PFN2: variants seen among roughly 807,000 people sequenced by gnomAD.
PFN2 encodes the protein profilin 2.
PFN2 carries 8 observed loss-of-function variants against 15.3 expected under a neutral mutation model. The observed-to-expected ratio is 0.52, with a 90% CI of 0.31 to 0.95. The LOEUF (loss-of-function observed/expected upper bound fraction) is 0.95, where lower values mean the gene tolerates loss of function less well. PFN2 is among the 40% of genes least tolerant of loss of function. PFN2 has a pLI of 0.05. For missense variants in PFN2, 111 were observed against 182.3 expected, an observed-to-expected ratio of 0.61 and a Z score of 2.25; for synonymous variants, 79 against 67.9, an observed-to-expected ratio of 1.16 and a Z score of -0.81.
intron 1 of PFN2, among the ~76,000 whole-genome samples, chr3:149,969,610 T>A (rs1347761315): frequency 1.3e-5 from 2 of 152,222 alleles, no homozygotes; most frequent in African/African-American, 2.4e-5. Flanking sequence ...GGTAAAAGAA[T>A]AATTAGCACC....
chr3:149,965,104 A>G lies in PFN2; in HGVS notation c.*1385T>C, dbSNP rs2108628623. On this transcript the variant is annotated 3_prime_UTR_variant, in exon 3 of 3. Transcript: ENST00000239940. ...CACAAGGCCCAAACAATAGAAGCAAATACTAGAATGTCCCTAAAGTAGTGC... is the reference window on the plus strand; with the variant it reads ...CACAAGGCCCAAACAATAGAAGCAAGTACTAGAATGTCCCTAAAGTAGTGC... The G allele has an allele frequency of 1.4e-6, 1 of 737,428 alleles. No individual in the cohort carries two copies. The highest frequency in any genetic ancestry group is 2.8e-5 in the East Asian group (1 of 35,690). 45.7% of individuals were successfully genotyped at this position (737,428 alleles called of 1,614,324 possible). A position where few individuals can be genotyped will look rare whatever the true frequency, so the allele number is the denominator to read the frequency against.
At chr3:149,969,901 G>A (rs778151466) in intron 1 of PFN2, among the ~76,000 whole-genome samples, 2 of 152,178 alleles carry the variant, frequency 1.3e-5, no homozygotes, top group African/African-American at 4.8e-5. Context: ...TTAGAGAAGT[G>A]AAGTGTGCTC....
In PFN2 at chr3:149,965,530, A is replaced by G. The variant is rs755535668; in HGVS notation, c.*959T>C. ...CTCTTGTTTTGCCATTGCACTCTTCATATGTCCTGTAGACACTATGAATAA... is the reference window on the plus strand; with the variant it reads ...CTCTTGTTTTGCCATTGCACTCTTCGTATGTCCTGTAGACACTATGAATAA... On this transcript the variant is annotated 3_prime_UTR_variant, in exon 3 of 3. Transcript: ENST00000239940. 42 of 1,392,346 alleles carry G rather than the reference A, an allele frequency of 3.0e-5. No homozygotes were observed. Among genetic ancestry groups the G allele is most frequent in the African/African-American group, 7.3e-5 (5 of 68,844 alleles). 86.2% of individuals were successfully genotyped at this position (1,392,346 alleles called of 1,614,324 possible).
At chr3:149,967,591 T>C (rs1193398038) in intron 2 of PFN2, among the ~76,000 whole-genome samples, 1 of 151,990 alleles carries the variant, frequency 6.6e-6, no homozygotes, top group Non-Finnish European at 1.5e-5. Flanking sequence ...AGAAGCACTC[T>C]CTATTTACAA....
At chr3:149,966,621 G>C in intron 2 of PFN2, 35 bp from the exon 3 acceptor site, 1 of 1,481,222 alleles carries the variant, frequency 6.8e-7, no homozygotes, top group South Asian at 1.2e-5. Flanking sequence ...TTCAAAAGAA[G>C]TGTTAATCAA....
In PFN2 at chr3:149,970,749, G is replaced by A. The variant is rs17851601; in HGVS notation, c.108C>T (p.Ala36=). The A allele has an allele frequency of 1.4e-5, 22 of 1,519,976 alleles. No homozygotes were observed. Among genetic ancestry groups the A allele is most frequent in the East Asian group, 2.7e-5 (1 of 37,280 alleles). 94.2% of individuals were successfully genotyped at this position (1,519,976 alleles called of 1,614,324 possible). The part of the protein sequence containing the change: ...CDAKYVWAAT[A]GGVFQSITPI... ...CCGTAATGCTCTGAAAGACGCCCCC[G>A]GCCGTGGCTGCCCAGACGTATTTGG... The change falls in exon 1 of 3, where the codon GCC becomes GCT. Residue 36 remains alanine, a synonymous_variant. Coordinates refer to ENST00000239940, the MANE Select transcript of PFN2 (RefSeq NM_053024.4).
rs751391112 is a variant in PFN2, at chr3:149,965,343, G to C, written c.*1146C>G. On this transcript the variant is annotated 3_prime_UTR_variant, in exon 3 of 3. Coordinates refer to ENST00000239940, the MANE Select transcript of PFN2 (RefSeq NM_053024.4). ...GACACACTCCAGATGGTTATGTTGG[G>C]ATACCTAATGTCCATAATGGCAGCC... 9.2e-6 allele frequency: 14 copies of C among 1,517,372 alleles called. No homozygotes were observed. The highest frequency in any genetic ancestry group is 1.2e-5 in the Non-Finnish European group (14 of 1,141,350). 94.0% of individuals were successfully genotyped at this position (1,517,372 alleles called of 1,614,324 possible).
intron 1 of PFN2, 67 bp from the exon 2 acceptor site, chr3:149,968,617 G>T: frequency 7.3e-7 from 1 of 1,372,992 alleles, no homozygotes; most frequent in Non-Finnish European, 1.0e-6. Flanking sequence ...TCCTTTTAGG[G>T]CTTGATGTAA....
chr3:149,967,354 T>C (rs945978133), intron 2 of PFN2, among the ~76,000 whole-genome samples: 1 of 152,236 alleles, frequency 6.6e-6, no homozygotes, highest in Non-Finnish European at 1.5e-5. Context: ...TTTCAGCGTA[T>C]AGTGCAGCTA....
At chr3:149,968,749 T>G (rs1722760477) in intron 1 of PFN2, 199 bp from the exon 2 acceptor site, 5 of 537,876 alleles carry the variant, frequency 9.3e-6, no homozygotes, top group Non-Finnish European at 1.6e-5. Context: ...ATATTTTACA[T>G]GAGTTGATTT....
At chr3:149,967,115 AAATT>A (rs1053636851) in intron 2 of PFN2, among the ~76,000 whole-genome samples, 5 of 152,288 alleles carry the variant, frequency 3.3e-5, no homozygotes, top group African/African-American at 1.2e-4. Flanking sequence ...AGGCCAAATT[AAATT>A]ATTTAAGGTG....
chr3:149,970,747 C>A lies in PFN2; in HGVS notation c.110G>T (p.Gly37Val). Residue 37 changes from glycine to valine, a missense_variant, in exon 1 of 3, where the codon GGG becomes GTG. Transcript: ENST00000239940. ...CACCGTAATGCTCTGAAAGACGCCC[C>A]CGGCCGTGGCTGCCCAGACGTATTT... ...DAKYVWAATA[G>V]GVFQSITPIE... The A allele has an allele frequency of 6.6e-7, 1 of 1,521,356 alleles. No homozygotes were observed. The highest frequency in any genetic ancestry group is 1.4e-5 in the African/African-American group (1 of 70,624). 94.2% of individuals were successfully genotyped at this position (1,521,356 alleles called of 1,614,324 possible).
chr3:149,969,216 G>A (rs1044762611), intron 1 of PFN2, among the ~76,000 whole-genome samples: 2 of 152,200 alleles, frequency 1.3e-5, no homozygotes, highest in Non-Finnish European at 2.9e-5. Context: ...CTGGGCAAAC[G>A]CAAAGTGGAT....
In PFN2 at chr3:149,965,290, A is replaced by G; in HGVS notation, c.*1199T>C. On this transcript the variant is annotated 3_prime_UTR_variant, in exon 3 of 3. Coordinates refer to ENST00000239940, the MANE Select transcript of PFN2 (RefSeq NM_053024.4). ...TCATATAAAAACTCAAGCTGCAAAT[A>G]AAAATTGGTCCTATGAAGAACAAAC... 1 of 1,535,258 alleles carries G rather than the reference A, an allele frequency of 6.5e-7. No homozygotes were observed. Among genetic ancestry groups the G allele is most frequent in the Non-Finnish European group, 8.7e-7 (1 of 1,146,418 alleles).
Position 149,965,302 on chromosome 3 carries a change from T to C in PFN2, c.*1187A>G. The C allele has an allele frequency of 6.5e-7, 1 of 1,534,914 alleles. No individual in the cohort carries two copies. Among genetic ancestry groups the C allele is most frequent in the Non-Finnish European group, 8.7e-7 (1 of 1,146,316 alleles). ...TCAAGCTGCAAATAAAAATTGGTCC[T>C]ATGAAGAACAAACTGGACACACTCC... On this transcript the variant is annotated 3_prime_UTR_variant, in exon 3 of 3. Transcript: ENST00000239940.
intron 1 of PFN2, 28 bp downstream of exon 1, chr3:149,970,697 C>T: frequency 1.3e-6 from 2 of 1,490,572 alleles, no homozygotes; most frequent in Non-Finnish European, 1.8e-6. Flanking sequence ...GTGCAGGGAC[C>T]AGGGTACCGG....
rs1722758845 is a variant in PFN2, at chr3:149,968,697, A to G, written c.133-147T>C. ...CACATTTCACTAATGTAAAACCAAGATTCAGTCTTTTCTAAATAATTATTT... is the reference window on the plus strand; with the variant it reads ...CACATTTCACTAATGTAAAACCAAGGTTCAGTCTTTTCTAAATAATTATTT... On this transcript the variant is annotated intron_variant, in intron 1 of 2. Coordinates refer to ENST00000239940, the MANE Select transcript of PFN2 (RefSeq NM_053024.4). 2.9e-5 allele frequency: 18 copies of G among 628,324 alleles called. No homozygotes were observed. The South Asian group carries it at 3.7e-4, about 13-fold the overall frequency. The allele number at this position is 628,324 out of a possible 1,614,324, so 38.9% of individuals were successfully genotyped here.
chr3:149,968,623 T>C, intron 1 of PFN2, 73 bp from the exon 2 acceptor site: 2 of 1,318,792 alleles, frequency 1.5e-6, no homozygotes, highest in Non-Finnish European at 2.1e-6. Context: ...TAGGGCTTGA[T>C]GTAACAGGAA....
intron 1 of PFN2, 151 bp downstream of exon 1, chr3:149,970,574 C>T (rs1410034735): frequency 4.0e-6 from 3 of 747,552 alleles, no homozygotes; most frequent in East Asian, 7.7e-5. Flanking sequence ...TCGGCCTCCC[C>T]GCCCGCCCGG....
Sources: gnomAD v4.1 joint callset for allele counts (sites outside exome capture counted in the v4.1 genomes callset) on GRCh38, gnomAD v4.1.1 for gene constraint, MANE v1.5 for transcripts, NCBI Gene and HGNC (gene_info 2026-07-23, HGNC 2026-07-21) for gene names.